INIP: variants seen among roughly 807,000 people sequenced by gnomAD.
INIP encodes the protein INTS3 and NABP interacting protein.
INIP carries 9 observed loss-of-function variants against 14.0 expected under a neutral mutation model. The ratio of observed to expected loss-of-function variants is 0.64; its 90% CI spans 0.39 to 1.12. The LOEUF (loss-of-function observed/expected upper bound fraction) is 1.12. INIP is among the 50% of genes most tolerant of loss of function. INIP has a pLI of 0.01. For synonymous variants in INIP, 37 were observed against 41.5 expected (o/e 0.89, Z 0.41); for missense variants, 78 against 122.7 (o/e 0.64, Z 1.72).
At chr9:112,704,649 A>C (rs775714114) in intron 2 of INIP, among the ~76,000 whole-genome samples, 8 of 152,208 alleles carry the variant, frequency 5.3e-5, no homozygotes, top group Admixed American at 1.3e-4. Flanking sequence ...TTAATTAAGA[A>C]TCAAATCCAT....
At chr9:112,692,446 G>A (rs1276696997) in intron 3 of INIP, among the ~76,000 whole-genome samples, 1 of 152,060 alleles carries the variant, frequency 6.6e-6, no homozygotes, top group Non-Finnish European at 1.5e-5. Flanking sequence ...ACCATGGCTA[G>A]CTAATTTTTT....
intron 4 of INIP, 34 bp from the exon 5 acceptor site, chr9:112,687,667 C>A: frequency 7.8e-7 from 1 of 1,276,406 alleles, no homozygotes; most frequent in Non-Finnish European, 1.1e-6. Flanking sequence ...GGCAATTAAG[C>A]TATTAAATAG....
chr9:112,707,980 T>A (rs1313028594), intron 2 of INIP, among the ~76,000 whole-genome samples: 2 of 152,230 alleles, frequency 1.3e-5, no homozygotes. Flanking sequence ...TGCTATCACA[T>A]ACAGGCACAA....
At chr9:112,695,797 A>G (rs1289548761) in intron 2 of INIP, among the ~76,000 whole-genome samples, 7 of 119,002 alleles carry the variant, frequency 5.9e-5, no homozygotes, top group African/African-American at 1.5e-4. Context: ...GGGGAGGGGG[A>G]GGAGGAGGAG....
chr9:112,698,450 T>C (rs1472992208), intron 2 of INIP, among the ~76,000 whole-genome samples: 1 of 152,170 alleles, frequency 6.6e-6, no homozygotes, highest in East Asian at 1.9e-4. Flanking sequence ...TTGTGACATT[T>C]ATGCCTGTGT....
chr9:112,715,902 G>T (rs1043280506), intron 2 of INIP, among the ~76,000 whole-genome samples: 1 of 151,594 alleles, frequency 6.6e-6, no homozygotes, highest in Non-Finnish European at 1.5e-5. Flanking sequence ...ATTAGCCTAG[G>T]CTTACACAGG....
chr9:112,712,008 A>G (rs762036511), intron 2 of INIP, among the ~76,000 whole-genome samples: 1 of 152,206 alleles, frequency 6.6e-6, no homozygotes, highest in Non-Finnish European at 1.5e-5. Context: ...GCAACTGGTG[A>G]GATTTGGGAA....
At chr9:112,689,445 C>G (rs1837798390) in intron 4 of INIP, 82 bp downstream of exon 4, 7 of 1,097,434 alleles carry the variant, frequency 6.4e-6, no homozygotes, top group Non-Finnish European at 8.4e-6. Flanking sequence ...TATTGCTCCA[C>G]TGAAATATAA....
At position 112,687,337 on chromosome 9, in the gene INIP, C is replaced by A. The variant is rs1588068567; in HGVS notation, c.*201G>T. On this transcript the variant is annotated 3_prime_UTR_variant, in exon 5 of 5. Coordinates refer to ENST00000374242, the MANE Select transcript of INIP (RefSeq NM_021218.3). Reference sequence around the variant, plus strand: ...TTACAGTCACGGTACATAATCAATTCCTTGGACGATACAGCTTCCACAGCT... The same window carrying A: ...TTACAGTCACGGTACATAATCAATTACTTGGACGATACAGCTTCCACAGCT... The A allele has an allele frequency of 2.1e-6, 1 of 472,800 alleles. No individual in the cohort carries two copies. Among genetic ancestry groups the A allele is most frequent in the East Asian group, 3.2e-5 (1 of 30,770 alleles). The allele number at this position is 472,800 out of a possible 1,614,324, so 29.3% of individuals were successfully genotyped here.
At chr9:112,707,526 G>A (rs1159257401) in intron 2 of INIP, among the ~76,000 whole-genome samples, 3 of 147,862 alleles carry the variant, frequency 2.0e-5, no homozygotes, top group East Asian at 1.9e-4. Context: ...TTTTCCTCCC[G>A]CACATTTCTT....
chr9:112,704,585 G>A (rs906993260), intron 2 of INIP, among the ~76,000 whole-genome samples: 4 of 152,140 alleles, frequency 2.6e-5, no homozygotes, highest in Non-Finnish European at 4.4e-5. Context: ...CAACACTTTA[G>A]GTTGCCCATC....
At chr9:112,706,269 C>T (rs1481810519) in intron 2 of INIP, among the ~76,000 whole-genome samples, 2 of 152,174 alleles carry the variant, frequency 1.3e-5, no homozygotes, top group African/African-American at 2.4e-5. Flanking sequence ...TAAATTAATA[C>T]AACCACAATG....
chr9:112,691,073 TA>T (rs1837869073), intron 3 of INIP, among the ~76,000 whole-genome samples: 1 of 152,352 alleles, frequency 6.6e-6, no homozygotes, highest in South Asian at 2.1e-4. Flanking sequence ...TAAAGCTTGC[TA>T]AATGACACAA....
In INIP at chr9:112,684,728, G is replaced by A. The variant is rs1588065684; in HGVS notation, c.*2810C>T. On this transcript the variant is annotated 3_prime_UTR_variant, in exon 5 of 5. Coordinates refer to ENST00000374242, the MANE Select transcript of INIP (RefSeq NM_021218.3). ...AGTTGGCTTCTCAACTCAGTAATGG[G>A]TTGAGGCTTTTGCACTTTGAAAAAC... 6.6e-6 allele frequency: 1 copy of A among 152,186 alleles called. No homozygotes were observed. The highest frequency in any genetic ancestry group is 1.5e-5 in the Non-Finnish European group (1 of 68,050). 9.4% of individuals were successfully genotyped at this position (152,186 alleles called of 1,614,324 possible). A position where few individuals can be genotyped will look rare whatever the true frequency, so the allele number is the denominator to read the frequency against.
rs1156979842 is a variant in INIP at position 112,716,495 on chromosome 9, T to C, written c.-10A>G. The stretch of plus-strand genomic sequence containing the variant: ...AAGAGTTTGCTGCCATTTTCCTATT[T>C]TGTTTCAAGTATGTCCAGTGGCAAT... On this transcript the variant is annotated 5_prime_UTR_variant, in exon 2 of 5. Coordinates refer to ENST00000374242, the MANE Select transcript of INIP (RefSeq NM_021218.3). 2 of 1,613,428 alleles carry C rather than the reference T, an allele frequency of 1.2e-6. No individual in the cohort carries two copies. Among genetic ancestry groups the C allele is most frequent in the Non-Finnish European group, 1.7e-6 (2 of 1,179,538 alleles).
rs537465611 is a variant in INIP, at chr9:112,710,686, G to A, written c.25+5775C>T. 6.8e-4 allele frequency among the ~76,000 whole-genome samples: 104 copies of A among 152,022 alleles called. 1 individual carries two copies. Among genetic ancestry groups the A allele is most frequent in the African/African-American group, 2.4e-3 (99 of 41,464 alleles). ...AAGAGGGCTTAGTCCCCAACACAAC[G>A]GAATTGTTCTCTACACCAGACATAA... On this transcript the variant is annotated intron_variant, in intron 2 of 4. Coordinates refer to ENST00000374242, the MANE Select transcript of INIP (RefSeq NM_021218.3).
rs543010269 is a variant in INIP, at chr9:112,686,671, T to A, written c.*867A>T. 1.3e-5 allele frequency: 2 copies of A among 152,326 alleles called. No individual in the cohort carries two copies. The highest frequency in any genetic ancestry group is 1.9e-4 in the East Asian group (1 of 5,182). 9.4% of individuals were successfully genotyped at this position (152,326 alleles called of 1,614,324 possible). ...GCCACCACACATGGCTAATTTTTTA[T>A]ACTTTTAGTAGAGACAGGGTTTCAC... On this transcript the variant is annotated 3_prime_UTR_variant, in exon 5 of 5. Transcript: ENST00000374242.
intron 4 of INIP, among the ~76,000 whole-genome samples, chr9:112,687,871 G>T (rs1413031227): frequency 1.3e-5 from 2 of 152,024 alleles, no homozygotes; most frequent in African/African-American, 4.8e-5. Flanking sequence ...GAATCACGAG[G>T]TCAGGAGATC....
At chr9:112,694,906 G>A (rs1226687131) in intron 2 of INIP, among the ~76,000 whole-genome samples, 6 of 152,268 alleles carry the variant, frequency 3.9e-5, no homozygotes, top group South Asian at 4.1e-4. Context: ...TCAAACTTAC[G>A]TAAGATATAG....
Sources: gnomAD v4.1 joint callset for allele counts (sites outside exome capture counted in the v4.1 genomes callset) on GRCh38, gnomAD v4.1.1 for gene constraint, MANE v1.5 for transcripts, NCBI Gene and HGNC (gene_info 2026-07-23, HGNC 2026-07-21) for gene names.